Variants in COL5A2 observed in about 807,000 individuals in gnomAD.
COL5A2 encodes the protein collagen type V alpha 2 chain, also known as collagen alpha-2(V) chain.
A neutral mutation model predicts 208.2 loss-of-function variants in COL5A2; 23 were observed. That is an observed-to-expected ratio of 0.11 (90% CI 0.08 to 0.16). The LOEUF (loss-of-function observed/expected upper bound fraction) is 0.16, where lower values mean the gene tolerates loss of function less well. Ranked by LOEUF, COL5A2 falls within the 10% of genes least tolerant of loss-of-function variation. COL5A2 has a pLI of 1.00. For missense variants in COL5A2, 1,590 were observed against 1,956.4 expected (o/e 0.81, Z 3.53); for synonymous variants, 625 against 628.5 (o/e 0.99, Z 0.08).
chr2:189,035,017 T>C lies in COL5A2; in HGVS notation c.4252A>G (p.Asn1418Asp). The change falls in exon 53 of 54, where the codon AAC becomes GAC. Residue 1418 changes from asparagine to aspartate, a missense_variant. By Grantham distance (23) the Asn-to-Asp change is conservative (BLOSUM62 1). Coordinates refer to ENST00000374866, the MANE Select transcript of COL5A2 (RefSeq NM_000393.5). ...TTGAGAACCACAGCTTTTTTGAGGT[T>C]CTTAGCTTGATCGTCCATGTATCCT... is the stretch of plus-strand genomic sequence containing the variant. ...SVGYMDDQAKNLKKAVVLKGA... is the reference protein window; with the variant it reads ...SVGYMDDQAKDLKKAVVLKGA... 2 of 1,613,984 alleles carry C rather than the reference T, an allele frequency of 1.2e-6. No homozygotes were observed. Among genetic ancestry groups the C allele is most frequent in the Non-Finnish European group, 1.7e-6 (2 of 1,179,908 alleles).
At chr2:189,042,618 A>C in intron 49 of COL5A2, 102 bp downstream of exon 49, 1 of 1,122,962 alleles carries the variant, frequency 8.9e-7, no homozygotes, top group Non-Finnish European at 1.3e-6. Context: ...AAGATGAGCC[A>C]ACTCCAGCTT....
At chr2:189,408,453 C>G in the COL5A2 span, among the ~76,000 whole-genome samples, 2 of 152,008 alleles carry the variant, frequency 1.3e-5, no homozygotes, top group South Asian at 4.1e-4. Context: ...GAATCAGACT[C>G]AAAACATTCT....
At chr2:189,186,601 C>T (rs1688856271) in intron 1 of COL5A2, among the ~76,000 whole-genome samples, 1 of 152,154 alleles carries the variant, frequency 6.6e-6, no homozygotes, top group African/African-American at 2.4e-5. Flanking sequence ...ATAGATCCTG[C>T]TTTGAAATCC....
chr2:189,255,513 C>T, the COL5A2 span, among the ~76,000 whole-genome samples: 1 of 152,128 alleles, frequency 6.6e-6, no homozygotes, highest in Non-Finnish European at 1.5e-5. Flanking sequence ...ATTCAATATT[C>T]TCACAGAAAG....
the COL5A2 span, among the ~76,000 whole-genome samples, chr2:189,409,204 CTTTTTT>C: frequency 6.5e-5 from 6 of 92,084 alleles, no homozygotes; most frequent in African/African-American, 1.2e-4. Context: ...TAAATTTACT[CTTTTTT>C]TTTTTTTTTT....
chr2:189,128,857 G>T (rs908756267), intron 1 of COL5A2, among the ~76,000 whole-genome samples: 13 of 151,760 alleles, frequency 8.6e-5, no homozygotes, highest in African/African-American at 2.9e-4. Flanking sequence ...AAGCTAAATG[G>T]GGCACTTGCG....
At chr2:189,378,366 A>C in the COL5A2 span, among the ~76,000 whole-genome samples, 1 of 152,198 alleles carries the variant, frequency 6.6e-6, no homozygotes, top group South Asian at 2.1e-4. Context: ...TTCTGACTTT[A>C]AGTTCCCTGA....
chr2:189,361,816 A>G, the COL5A2 span, among the ~76,000 whole-genome samples: 3 of 152,092 alleles, frequency 2.0e-5, no homozygotes, highest in Non-Finnish European at 2.9e-5. Flanking sequence ...GGCTTACAAA[A>G]AGCACATTAT....
At chr2:189,190,531 T>A (rs922648389) in intron 1 of COL5A2, among the ~76,000 whole-genome samples, 2 of 152,260 alleles carry the variant, frequency 1.3e-5, no homozygotes, top group Admixed American at 6.5e-5. Context: ...ATTTTATTAA[T>A]TTATGACTTG....
the COL5A2 span, among the ~76,000 whole-genome samples, chr2:189,267,149 T>C: frequency 1.3e-5 from 2 of 152,148 alleles, no homozygotes; most frequent in Non-Finnish European, 2.9e-5. Flanking sequence ...TGACTTTTAG[T>C]AAACCACTTA....
At chr2:189,171,210 C>G (rs1026821812) in intron 1 of COL5A2, among the ~76,000 whole-genome samples, 10 of 151,824 alleles carry the variant, frequency 6.6e-5, no homozygotes, top group African/African-American at 2.4e-4. Flanking sequence ...GACTAAAACT[C>G]AGAAATGGGC....
the COL5A2 span, among the ~76,000 whole-genome samples, chr2:189,370,096 CT>C: frequency 3.8e-4 from 58 of 152,274 alleles, no homozygotes; most frequent in Non-Finnish European, 6.8e-4. Flanking sequence ...CACCAAATGA[CT>C]CCCTGTTGCA....
chr2:189,140,562 T>C (rs1465294610), intron 1 of COL5A2, among the ~76,000 whole-genome samples: 3 of 152,142 alleles, frequency 2.0e-5, no homozygotes, highest in African/African-American at 4.8e-5. Context: ...CATATATATA[T>C]AGAAAGGAAG....
chr2:189,348,813 A>G, the COL5A2 span, among the ~76,000 whole-genome samples: 4 of 152,166 alleles, frequency 2.6e-5, no homozygotes, highest in African/African-American at 9.7e-5. Context: ...GAGCAGCTGC[A>G]TGCACATCAC....
intron 7 of COL5A2, among the ~76,000 whole-genome samples, chr2:189,091,942 G>T (rs1035222568): frequency 1.3e-5 from 2 of 152,152 alleles, no homozygotes; most frequent in African/African-American, 4.8e-5. Context: ...TCTTGTGGAG[G>T]ATACGGAGCA....
At chr2:189,251,834 T>C in the COL5A2 span, among the ~76,000 whole-genome samples, 20 of 151,900 alleles carry the variant, frequency 1.3e-4, no homozygotes, top group Non-Finnish European at 2.5e-4. Flanking sequence ...ATCTAAAGAA[T>C]GGGAGAAAAA....
chr2:189,043,067 T>C (rs1685592534), intron 48 of COL5A2, 84 bp downstream of exon 48: 2 of 1,007,222 alleles, frequency 2.0e-6, no homozygotes, highest in Non-Finnish European at 3.1e-6. Context: ...TATCCACCTA[T>C]TTTACAGACA....
chr2:189,224,932 AACAGAAAG>A (rs1367438032), intron 1 of COL5A2, among the ~76,000 whole-genome samples: 46 of 152,294 alleles, frequency 3.0e-4, no homozygotes, highest in African/African-American at 1.1e-3. Flanking sequence ...AAAATCTTTT[AACAGAAAG>A]ACAGACAAGA....
chr2:189,113,893 C>T (rs898367783), intron 1 of COL5A2, among the ~76,000 whole-genome samples: 1 of 151,934 alleles, frequency 6.6e-6, no homozygotes, highest in East Asian at 1.9e-4. Flanking sequence ...TATCTTCTTC[C>T]TTGTGGCTCC....
Sources: gnomAD v4.1 joint callset for allele counts (sites outside exome capture counted in the v4.1 genomes callset) on GRCh38, gnomAD v4.1.1 for gene constraint, MANE v1.5 for transcripts, NCBI Gene and HGNC (gene_info 2026-07-23, HGNC 2026-07-21) for gene names.